Variants in SWT1 observed in about 807,000 individuals in gnomAD.
SWT1 encodes transcriptional protein SWT1.
In SWT1, 33 loss-of-function variants were observed where a neutral mutation model predicts 107.3. That is an observed-to-expected ratio of 0.31 (90% CI 0.23 to 0.41). The LOEUF is 0.41. Among genes scored for constraint, SWT1 ranks in the 10% least tolerant of loss-of-function variants. The pLI is 1.00. For synonymous variants in SWT1, 345 were observed against 348.3 expected, an observed-to-expected ratio of 0.99 and a Z score of 0.11; for missense variants, 898 against 1,028.9, an observed-to-expected ratio of 0.87 and a Z score of 1.74.
chr1:185,159,808 T>C (rs1277311760), intron 1 of SWT1, among the ~76,000 whole-genome samples: 1 of 152,166 alleles, frequency 6.6e-6, no homozygotes, highest in Non-Finnish European at 1.5e-5. Context: ...CACTACAACC[T>C]CTGCCTCCCA....
At chr1:185,266,655 T>C (rs1403028188) in intron 16 of SWT1, 2 of 151,584 alleles carry the variant, frequency 1.3e-5, no homozygotes, top group Non-Finnish European at 2.9e-5. Flanking sequence ...AAACCTTGAG[T>C]GGCATGGTCT....
chr1:185,188,641 GTATT>G (rs1389080600), intron 9 of SWT1, among the ~76,000 whole-genome samples: 3 of 152,300 alleles, frequency 2.0e-5, no homozygotes, highest in African/African-American at 7.2e-5. Context: ...CCGTATATAA[GTATT>G]TATTGCATGA....
intron 15 of SWT1, among the ~76,000 whole-genome samples, chr1:185,224,288 G>A (rs1221353640): frequency 6.6e-6 from 1 of 151,994 alleles, no homozygotes; most frequent in Non-Finnish European, 1.5e-5. Context: ...TGTTCCGTTG[G>A]TTTATGTGTC....
chr1:185,243,860 C>A (rs1473129227), intron 16 of SWT1, among the ~76,000 whole-genome samples: 1 of 151,888 alleles, frequency 6.6e-6, no homozygotes, highest in Non-Finnish European at 1.5e-5. Context: ...TGAAATAAGA[C>A]AAATAAGTAA....
intron 15 of SWT1, among the ~76,000 whole-genome samples, chr1:185,228,347 C>T (rs1660252236): frequency 1.3e-5 from 2 of 151,380 alleles, no homozygotes; most frequent in Non-Finnish European, 2.9e-5. Flanking sequence ...ATAGTGAGAC[C>T]TCATCTTTAC....
chr1:185,175,213 T>TG, intron 5 of SWT1, 100 bp downstream of exon 5: 5 of 1,080,604 alleles, frequency 4.6e-6, no homozygotes, highest in African/African-American at 1.7e-5. Context: ...TTTTTTTTTT[T>TG]TTTTGTTGTT....
At chr1:185,178,277 A>C (rs138816278) in intron 5 of SWT1, among the ~76,000 whole-genome samples, 117 of 152,306 alleles carry the variant, frequency 7.7e-4, no homozygotes, top group African/African-American at 2.8e-3. Context: ...TGTCAGTATG[A>C]CTAGAGTCAA....
intron 16 of SWT1, among the ~76,000 whole-genome samples, chr1:185,258,704 A>G (rs1290164090): frequency 6.6e-6 from 1 of 152,000 alleles, no homozygotes; most frequent in Non-Finnish European, 1.5e-5. Flanking sequence ...TTGCTAGCTA[A>G]TGCCTTTTTT....
intron 16 of SWT1, among the ~76,000 whole-genome samples, chr1:185,250,663 A>T (rs1003120666): frequency 2.0e-5 from 3 of 152,038 alleles, no homozygotes; most frequent in African/African-American, 7.2e-5. Flanking sequence ...ATTTTAATTT[A>T]ATTTAATTTT....
At chr1:185,225,511 T>G (rs1659980253) in intron 15 of SWT1, among the ~76,000 whole-genome samples, 1 of 152,204 alleles carries the variant, frequency 6.6e-6, no homozygotes, top group Admixed American at 6.5e-5. Context: ...AAATATTTGT[T>G]AGAATTCAGC....
rs867892373 is a variant in SWT1 at position 185,257,047 on chromosome 1, G to A, written c.2442-14276G>A. On this transcript the variant is annotated intron_variant, in intron 16 of 18. Transcript: ENST00000367500. ...GTGTTGGAATACCCTGCCGTGTGAG[G>A]TGTCAGTGTGCCCCTGCTGGGGGGT... Among the ~76,000 whole-genome samples, 828 of 151,672 alleles carry A rather than the reference G, an allele frequency of 5.5e-3. 8 individuals are homozygous for A. The highest frequency in any genetic ancestry group is 0.01 in the South Asian group (50 of 4,786).
At chr1:185,188,654 G>A (rs1656695692) in intron 9 of SWT1, among the ~76,000 whole-genome samples, 1 of 152,196 alleles carries the variant, frequency 6.6e-6, no homozygotes, top group Non-Finnish European at 1.5e-5. Context: ...TTTATTGCAT[G>A]AACGAATGAG....
At chr1:185,288,481 C>T (rs549397199) in intron 18 of SWT1, among the ~76,000 whole-genome samples, 1 of 152,196 alleles carries the variant, frequency 6.6e-6, no homozygotes. Flanking sequence ...TGTCACTACT[C>T]CTTGTCCTGT....
chr1:185,207,745 T>C (rs1658452445), intron 13 of SWT1, among the ~76,000 whole-genome samples: 1 of 151,826 alleles, frequency 6.6e-6, no homozygotes, highest in African/African-American at 2.4e-5. Flanking sequence ...CTAAAAAAAA[T>C]ACAAAAGTTA....
rs1313026448 is a variant in SWT1 at position 185,166,457 on chromosome 1, G to A, written c.85-115G>A. 4 of 637,512 alleles carry A rather than the reference G, an allele frequency of 6.3e-6. No individual in the cohort carries two copies. In the Admixed American group the frequency reaches 9.2e-5, roughly 15 times the overall value. 39.5% of individuals were successfully genotyped at this position (637,512 alleles called of 1,614,324 possible). On this transcript the variant is annotated intron_variant, in intron 2 of 18. Coordinates refer to ENST00000367500, the MANE Select transcript of SWT1 (RefSeq NM_017673.7). ...GTATCTGTAAACATTGTTCCCCACCGAAGTTCATTATTGAATGTAAATGTT... is the reference window on the plus strand; with the variant it reads ...GTATCTGTAAACATTGTTCCCCACCAAAGTTCATTATTGAATGTAAATGTT...
chr1:185,290,685 C>T lies in SWT1; in HGVS notation c.2585C>T (p.Thr862Ile), dbSNP rs770129183. The T allele has an allele frequency of 5.1e-6, 8 of 1,575,470 alleles. No homozygotes were observed. Among genetic ancestry groups the T allele is most frequent in the Admixed American group, 1.7e-5 (1 of 57,672 alleles). The change falls in exon 19 of 19, where the codon ACC becomes ATC. Residue 862 changes from threonine to isoleucine, a missense_variant. By Grantham distance (89) the Thr-to-Ile change is moderately conservative. Around this residue, in one of 6 missense-constraint regions of SWT1, gnomAD observed 382 missense variants for 460.0 expected, o/e 0.83. Transcript: ENST00000367500. ...TCTTTTTCTCCTAGGGAAAAGTTAA[C>T]CATTGGATGCCGCCAGCTGGTTGAG... ...VSQTEYREKLTIGCRQLVEME... is the reference protein window; with the variant it reads ...VSQTEYREKLIIGCRQLVEME...
chr1:185,272,502 C>G (rs1478375070), intron 17 of SWT1, among the ~76,000 whole-genome samples: 1 of 152,102 alleles, frequency 6.6e-6, no homozygotes, highest in African/African-American at 2.4e-5. Context: ...TTTCTGTATG[C>G]CACATCTTCC....
chr1:185,169,762 A>G (rs988071956), intron 4 of SWT1, among the ~76,000 whole-genome samples: 6 of 151,880 alleles, frequency 4.0e-5, no homozygotes, highest in African/African-American at 1.5e-4. Context: ...CTTAAATGCT[A>G]ACTTCAGCCC....
Position 185,206,733 on chromosome 1 carries a change from A to G in SWT1, c.1942A>G (p.Ile648Val), listed in dbSNP as rs1364936324. The change falls in exon 13 of 19, where the codon ATT (isoleucine) becomes GTT (valine). Residue 648 changes from isoleucine to valine, a missense_variant. Coordinates refer to ENST00000367500, the MANE Select transcript of SWT1 (RefSeq NM_017673.7). The stretch of plus-strand genomic sequence containing the variant: ...TATGGAAAAGAACTTGCTTTTAACT[A>G]TTGAGAGCCTATACAAAAATCTCCG... Reference protein sequence around the residue: ...LVMEKNLLLTIESLYKNLRKA... With the variant: ...LVMEKNLLLTVESLYKNLRKA... 1.9e-6 allele frequency: 3 copies of G among 1,602,624 alleles called. 1 individual carries two copies. The highest frequency in any genetic ancestry group is 1.3e-5 in the African/African-American group (1 of 74,306).
Sources: gnomAD v4.1 joint callset for allele counts (sites outside exome capture counted in the v4.1 genomes callset) on GRCh38, gnomAD v4.1.1 for gene constraint, gnomAD v4.1.1 regional missense constraint, MANE v1.5 for transcripts, NCBI Gene and HGNC (gene_info 2026-07-23, HGNC 2026-07-21) for gene names.